The following GFRAL variants were observed in gnomAD, a reference collection of about 807,000 sequenced individuals.
The protein encoded by GFRAL is GDNF family receptor alpha-like.
Under a neutral mutation model 45.4 loss-of-function variants are expected in GFRAL, and 36 were observed. That is an observed-to-expected ratio of 0.79 (90% confidence interval 0.61 to 1.05). GFRAL has a LOEUF of 1.05. Among genes scored for constraint, GFRAL ranks in the 50% least tolerant of loss-of-function variants. The pLI is 0.00. For synonymous variants in GFRAL, 166 were observed against 154.1 expected (o/e 1.08, Z -0.57); for missense variants, 507 against 467.5 (o/e 1.08, Z -0.78).
intron 4 of GFRAL, 100 bp downstream of exon 4, chr6:55,350,245 T>A (rs111754807): frequency 1.6e-5 from 11 of 702,856 alleles, no homozygotes; most frequent in African/African-American, 1.3e-4. Context: ...ACAGAACAAA[T>A]CATGTGGTTT....
At chr6:55,345,707 A>G (rs1359875648) in intron 3 of GFRAL, among the ~76,000 whole-genome samples, 5 of 152,154 alleles carry the variant, frequency 3.3e-5, no homozygotes, top group Non-Finnish European at 5.9e-5. Flanking sequence ...ATCTAATTAA[A>G]CTAAAGAGCT....
At chr6:55,367,356 C>T (rs1229177841) in intron 6 of GFRAL, among the ~76,000 whole-genome samples, 1 of 142,748 alleles carries the variant, frequency 7.0e-6, no homozygotes, top group Non-Finnish European at 1.5e-5. Flanking sequence ...AGATGGGTTT[C>T]CTGAATACAG....
intron 6 of GFRAL, among the ~76,000 whole-genome samples, chr6:55,381,147 G>T (rs1214597831): frequency 6.6e-6 from 1 of 151,920 alleles, no homozygotes; most frequent in Non-Finnish European, 1.5e-5. Flanking sequence ...GCTCTTAAAT[G>T]TGTGCATTCC....
chr6:55,390,039 G>C (rs759351950), intron 6 of GFRAL, among the ~76,000 whole-genome samples: 28 of 152,182 alleles, frequency 1.8e-4, no homozygotes, highest in Non-Finnish European at 2.4e-4. Flanking sequence ...ACTGCCTAAG[G>C]TTTCCCAAAA....
chr6:55,341,131 T>G (rs981101458), intron 3 of GFRAL, among the ~76,000 whole-genome samples: 1 of 152,176 alleles, frequency 6.6e-6, no homozygotes. Context: ...AGCAGAAACC[T>G]CTGCAGACTT....
chr6:55,359,260 G>A (rs1176980244), intron 6 of GFRAL, 122 bp downstream of exon 6: 6 of 747,568 alleles, frequency 8.0e-6, no homozygotes, highest in Middle Eastern at 7.9e-4. Flanking sequence ...TTTTGTGTTT[G>A]GTATTGCATT....
chr6:55,397,077 A>T (rs935003178), intron 6 of GFRAL, among the ~76,000 whole-genome samples: 3 of 152,014 alleles, frequency 2.0e-5, no homozygotes, highest in African/African-American at 7.2e-5. Context: ...GGGTCTTGCT[A>T]TGTTGGCCAG....
chr6:55,364,229 A>G (rs1334847810), intron 6 of GFRAL, among the ~76,000 whole-genome samples: 1 of 151,392 alleles, frequency 6.6e-6, no homozygotes, highest in Non-Finnish European at 1.5e-5. Flanking sequence ...GGCTGCATAA[A>G]TGTCTTCTTT....
At chr6:55,360,997 G>A (rs1306420364) in intron 6 of GFRAL, among the ~76,000 whole-genome samples, 2 of 151,862 alleles carry the variant, frequency 1.3e-5, no homozygotes, top group African/African-American at 4.8e-5. Context: ...AATAACAATT[G>A]TGTTCAATTT....
chr6:55,362,896 A>T (rs1443309779), intron 6 of GFRAL, among the ~76,000 whole-genome samples: 1 of 150,268 alleles, frequency 6.7e-6, no homozygotes, highest in South Asian at 2.1e-4. Context: ...AGGAAGGGAG[A>T]GGGAAGAGAA....
intron 6 of GFRAL, among the ~76,000 whole-genome samples, chr6:55,397,767 A>G (rs17750667): frequency 0.13 from 19,908 of 152,072 alleles, 1,482 homozygotes; most frequent in South Asian, 0.24. Context: ...CAGCAGCCCT[A>G]GGTGGAGAGA....
At chr6:55,391,033 A>G (rs1375633852) in intron 6 of GFRAL, among the ~76,000 whole-genome samples, 1 of 152,016 alleles carries the variant, frequency 6.6e-6, no homozygotes, top group Admixed American at 6.6e-5. Flanking sequence ...CTATCGCAAT[A>G]CCCTTTTTAT....
intron 3 of GFRAL, among the ~76,000 whole-genome samples, chr6:55,338,410 A>C (rs928304600): frequency 6.6e-6 from 1 of 152,150 alleles, no homozygotes; most frequent in Non-Finnish European, 1.5e-5. Flanking sequence ...TTAATTTCCT[A>C]ATATCTGAGA....
intron 6 of GFRAL, among the ~76,000 whole-genome samples, chr6:55,371,149 T>C (rs1384150936): frequency 6.6e-6 from 1 of 152,236 alleles, no homozygotes; most frequent in African/African-American, 2.4e-5. Context: ...AATTTCTAAA[T>C]AAATTTTTTC....
At chr6:55,353,091 A>C (rs1768140724) in intron 5 of GFRAL, among the ~76,000 whole-genome samples, 1 of 152,016 alleles carries the variant, frequency 6.6e-6, no homozygotes. Flanking sequence ...TAGAGTGTGC[A>C]AAGGGGAGAG....
rs1410306294 is a variant in GFRAL at position 55,356,883 on chromosome 6, A to G, written c.702-2005A>G. ...TTTTCCATATCCCACAGGTTTTGGT[A>G]TGTTGTTCTTCCATTTTCATTGTTT... On this transcript the variant is annotated intron_variant, in intron 5 of 8. Transcript: ENST00000340465. Among the ~76,000 whole-genome samples, 3 of 151,666 alleles carry G rather than the reference A, an allele frequency of 2.0e-5. No homozygotes were observed. The East Asian group carries it at 5.8e-4, about 29-fold the overall frequency.
intron 6 of GFRAL, 71 bp from the exon 7 acceptor site, chr6:55,399,109 C>G: frequency 1.3e-6 from 1 of 750,014 alleles, no homozygotes; most frequent in East Asian, 2.9e-5. Flanking sequence ...AAAGATAAAG[C>G]AAATTGTAAT....
chr6:55,390,644 C>G (rs961768066), intron 6 of GFRAL, among the ~76,000 whole-genome samples: 9 of 152,008 alleles, frequency 5.9e-5, no homozygotes, highest in African/African-American at 2.2e-4. Flanking sequence ...AATCCCAGCA[C>G]TTTGGGAGAC....
At position 55,399,403 on chromosome 6, in the gene GFRAL, C is replaced by A. The variant is rs1465351759; in HGVS notation, c.1083C>A (p.Val361=). The A allele has an allele frequency of 6.2e-7, 1 of 1,611,612 alleles. No individual in the cohort carries two copies. The highest frequency in any genetic ancestry group is 1.1e-5 in the South Asian group (1 of 91,000). The part of the protein sequence containing the change: ...EVIYAAMCMT[V]TCGILLLVMV... ...TCTATGCTGCCATGTGCATGACAGTCACCTGTGGAATCCTTCTGTTGGTTA... is the reference window on the plus strand; with the variant it reads ...TCTATGCTGCCATGTGCATGACAGTAACCTGTGGAATCCTTCTGTTGGTTA... The change falls in exon 8 of 9, where the codon GTC becomes GTA. Residue 361 remains valine (V), a synonymous_variant. Transcript: ENST00000340465.
Sources: gnomAD v4.1 joint callset for allele counts (sites outside exome capture counted in the v4.1 genomes callset) on GRCh38, gnomAD v4.1.1 for gene constraint, MANE v1.5 for transcripts, NCBI Gene and HGNC (gene_info 2026-07-23, HGNC 2026-07-21) for gene names.